The following CPNE4 variants were observed in gnomAD, a reference collection of about 807,000 sequenced individuals.
CPNE4 encodes copine-4.
Under a neutral mutation model 67.9 loss-of-function variants are expected in CPNE4, and 25 were observed. The ratio of observed to expected loss-of-function variants is 0.37; its 90% CI spans 0.27 to 0.51. CPNE4 has a LOEUF of 0.51. Ranked by LOEUF, CPNE4 falls within the 20% of genes least tolerant of loss-of-function variation. The probability of loss-of-function intolerance (pLI) is 0.93; values close to 1 mark genes in which losing one functional copy is unlikely to be tolerated. For missense variants in CPNE4, 464 were observed against 690.8 expected (o/e 0.67, Z 3.68); for synonymous variants, 242 against 244.9 (o/e 0.99, Z 0.11).
chr3:131,811,114 T>C (rs902788555), intron 2 of CPNE4, among the ~76,000 whole-genome samples: 3 of 152,090 alleles, frequency 2.0e-5, no homozygotes, highest in African/African-American at 4.8e-5. Flanking sequence ...GTATAATGCT[T>C]ATAGCTAACA....
chr3:132,013,074 T>A lies in CPNE4; in HGVS notation c.-2+21493A>T, dbSNP rs2073808635. 2.0e-5 allele frequency among the ~76,000 whole-genome samples: 3 copies of A among 151,938 alleles called. No individual in the cohort carries two copies. In the South Asian group the frequency reaches 6.2e-4, roughly 32 times the overall value. ...CCCATCTCTACTAAAAATACAAAAA[T>A]TAGCCAGGCATAGGGGTGGACGCCT... On this transcript the variant is annotated intron_variant, in intron 1 of 15. Transcript: ENST00000429747.
At chr3:131,767,654 A>G (rs1458543930) in intron 2 of CPNE4, among the ~76,000 whole-genome samples, 1 of 152,126 alleles carries the variant, frequency 6.6e-6, no homozygotes, top group Non-Finnish European at 1.5e-5. Flanking sequence ...GCTTCAGTGA[A>G]TATTTCTTCA....
chr3:131,801,214 C>A (rs773619355), intron 2 of CPNE4, among the ~76,000 whole-genome samples: 1 of 151,558 alleles, frequency 6.6e-6, no homozygotes, highest in Admixed American at 6.6e-5. Context: ...AATCAGTACT[C>A]AGACAGTACC....
intron 2 of CPNE4, among the ~76,000 whole-genome samples, chr3:131,904,694 A>G (rs1029655658): frequency 5.9e-5 from 9 of 152,138 alleles, no homozygotes; most frequent in Non-Finnish European, 1.2e-4. Context: ...CAGAGATTTC[A>G]TGGGACTGAC....
intron 1 of CPNE4, among the ~76,000 whole-genome samples, chr3:131,927,853 A>T (rs1158408986): frequency 1.3e-5 from 2 of 152,192 alleles, no homozygotes; most frequent in African/African-American, 4.8e-5. Context: ...GAGAACACTC[A>T]TTCAAGGACA....
At chr3:131,882,833 C>T (rs147650464) in intron 2 of CPNE4, among the ~76,000 whole-genome samples, 1,738 of 151,516 alleles carry the variant, frequency 0.011, 16 homozygotes, top group Non-Finnish European at 0.015. Flanking sequence ...TCTCCTGCCT[C>T]AGCCTCCTGA....
chr3:131,900,832 A>G (rs1288387876), intron 2 of CPNE4, among the ~76,000 whole-genome samples: 1 of 152,176 alleles, frequency 6.6e-6, no homozygotes. Context: ...ATCGTCACTA[A>G]CAATAATTAC....
At chr3:131,612,715 G>T (rs1939923566) in intron 7 of CPNE4, among the ~76,000 whole-genome samples, 1 of 152,144 alleles carries the variant, frequency 6.6e-6, no homozygotes, top group South Asian at 2.1e-4. Flanking sequence ...TCCTCACTGA[G>T]CTGAGATAAA....
intron 1 of CPNE4, among the ~76,000 whole-genome samples, chr3:131,927,780 G>A (rs189422073): frequency 6.6e-5 from 10 of 152,094 alleles, no homozygotes; most frequent in Admixed American, 5.9e-4. Flanking sequence ...TTCCCTCATC[G>A]CCACCATGGT....
At chr3:131,571,753 A>G (rs139875663) in intron 10 of CPNE4, among the ~76,000 whole-genome samples, 1 of 151,960 alleles carries the variant, frequency 6.6e-6, no homozygotes, top group African/African-American at 2.4e-5. Context: ...TGTCGAAAGC[A>G]TGTGCCTGTT....
At chr3:131,760,004 C>T (rs1333201180) in intron 2 of CPNE4, among the ~76,000 whole-genome samples, 1 of 152,164 alleles carries the variant, frequency 6.6e-6, no homozygotes, top group Non-Finnish European at 1.5e-5. Context: ...ATAGTACTTC[C>T]TCCACTATAA....
intron 7 of CPNE4, among the ~76,000 whole-genome samples, chr3:131,599,142 G>A (rs2107720801): frequency 6.6e-6 from 1 of 152,292 alleles, no homozygotes; most frequent in Non-Finnish European, 1.5e-5. Flanking sequence ...CCATAATTTA[G>A]TATTTGGAAT....
intron 6 of CPNE4, among the ~76,000 whole-genome samples, chr3:131,679,982 G>A (rs1221763962): frequency 2.6e-5 from 4 of 152,128 alleles, no homozygotes; most frequent in African/African-American, 4.8e-5. Context: ...GAATATCTTT[G>A]TTAATTTTCT....
At chr3:131,898,170 AG>A (rs942545837) in intron 2 of CPNE4, among the ~76,000 whole-genome samples, 1 of 152,116 alleles carries the variant, frequency 6.6e-6, no homozygotes, top group Non-Finnish European at 1.5e-5. Flanking sequence ...ATAGGCACTC[AG>A]GAAAAGTGTC....
rs148333673 is a variant in CPNE4, at chr3:131,762,650, T to C, written c.181-39025A>G. 8.7e-3 allele frequency among the ~76,000 whole-genome samples: 1,318 copies of C among 152,162 alleles called. 22 individuals carry two copies. The highest frequency in any genetic ancestry group is 0.03 in the African/African-American group (1,255 of 41,540). On this transcript the variant is annotated intron_variant, in intron 2 of 15. Transcript: ENST00000429747. ...TAACCAGAATAGGAGAGAGCTGACA[T>C]CTGAGCAATATTAAGTAAGAATTCT...
chr3:132,035,796 A>G (rs2074329286), upstream of CPNE4, among the ~76,000 whole-genome samples: 1 of 152,196 alleles, frequency 6.6e-6, no homozygotes, highest in South Asian at 2.1e-4. Context: ...AGACTCACAA[A>G]TTGGACTTTG....
chr3:131,616,646 T>A (rs1248339145), intron 7 of CPNE4, among the ~76,000 whole-genome samples: 2 of 152,236 alleles, frequency 1.3e-5, no homozygotes, highest in African/African-American at 4.8e-5. Context: ...GCTAAGGTTT[T>A]CTGTGTGCTG....
intron 7 of CPNE4, among the ~76,000 whole-genome samples, chr3:131,632,406 C>T (rs1160265541): frequency 6.6e-6 from 1 of 152,070 alleles, no homozygotes; most frequent in African/African-American, 2.4e-5. Context: ...AAGTACCTTG[C>T]CCTAAGTCAC....
At chr3:131,557,879 G>C (rs1460595634) in intron 11 of CPNE4, among the ~76,000 whole-genome samples, 1 of 151,990 alleles carries the variant, frequency 6.6e-6, no homozygotes, top group African/African-American at 2.4e-5. Flanking sequence ...GTGGAGGATG[G>C]ATCCTGGTCC....
Sources: gnomAD v4.1 joint callset for allele counts (sites outside exome capture counted in the v4.1 genomes callset) on GRCh38, gnomAD v4.1.1 for gene constraint, MANE v1.5 for transcripts, NCBI Gene and HGNC (gene_info 2026-07-23, HGNC 2026-07-21) for gene names.